Variants in DIP2C observed in about 807,000 individuals in gnomAD.
DIP2C encodes DIP2 acetate--CoA ligase C (putative).
DIP2C carries 33 observed loss-of-function variants against 192.4 expected under a neutral mutation model. That is an observed-to-expected ratio of 0.17 (90% CI 0.13 to 0.23). The LOEUF (loss-of-function observed/expected upper bound fraction) is 0.23, where lower values mean the gene tolerates loss of function less well. Ranked by LOEUF, DIP2C falls within the 10% of genes least tolerant of loss-of-function variation. DIP2C has a pLI of 1.00. For synonymous variants in DIP2C, 979 were observed against 864.1 expected, an observed-to-expected ratio of 1.13 and a Z score of -2.33; for missense variants, 1,537 against 2,110.1, an observed-to-expected ratio of 0.73 and a Z score of 5.32.
chr10:385,838 G>C (rs1589672759), intron 14 of DIP2C, among the ~76,000 whole-genome samples: 1 of 152,132 alleles, frequency 6.6e-6, no homozygotes, highest in African/African-American at 2.4e-5. Context: ...CCACTGGCTC[G>C]ATTTGGGAAG....
rs111265962 is a variant in DIP2C at position 634,861 on chromosome 10, G to A, written c.85+54633C>T. Among the ~76,000 whole-genome samples, 641 of 152,188 alleles carry A rather than the reference G, an allele frequency of 4.2e-3. 5 individuals carry two copies. Among genetic ancestry groups the A allele is most frequent in the African/African-American group, 0.014 (599 of 41,526 alleles). On this transcript the variant is annotated intron_variant, in intron 1 of 36. Transcript: ENST00000280886. ...GTAGCGTAAAATTATCACACACAAC[G>A]TAAAGCCAATTAGATCAACATTCTG...
At chr10:627,247 C>T (rs910588926) in intron 1 of DIP2C, among the ~76,000 whole-genome samples, 28 of 152,222 alleles carry the variant, frequency 1.8e-4, no homozygotes, top group Non-Finnish European at 3.5e-4. Context: ...CGTCATGCCC[C>T]GGGCAAGAAG....
chr10:555,201 TTC>T (rs201160138), intron 1 of DIP2C, among the ~76,000 whole-genome samples: 37,256 of 147,298 alleles, frequency 0.25, 6,422 homozygotes, highest in African/African-American at 0.54. Flanking sequence ...TTTTTTTTTT[TTC>T]CCAAGCCATT....
intron 1 of DIP2C, among the ~76,000 whole-genome samples, chr10:584,980 C>T (rs563346558): frequency 1.4e-3 from 210 of 147,028 alleles, no homozygotes; most frequent in Middle Eastern, 7.2e-3. Context: ...CCCACTCACG[C>T]GCATCACCTC....
At chr10:593,141 C>T (rs557440047) in intron 1 of DIP2C, among the ~76,000 whole-genome samples, 1 of 152,114 alleles carries the variant, frequency 6.6e-6, no homozygotes, top group African/African-American at 2.4e-5. Context: ...CCTTTGAGGG[C>T]ACTGGTCTCC....
At chr10:348,603 C>G in intron 26 of DIP2C, 38 bp downstream of exon 26, 1 of 1,603,486 alleles carries the variant, frequency 6.2e-7, no homozygotes, top group Non-Finnish European at 8.5e-7. Flanking sequence ...CACTCAGCTC[C>G]AGGCAGGTGG....
At chr10:566,768 G>C (rs537412005) in intron 1 of DIP2C, among the ~76,000 whole-genome samples, 1 of 152,356 alleles carries the variant, frequency 6.6e-6, no homozygotes, top group Non-Finnish European at 1.5e-5. Flanking sequence ...CTCAAAGTCA[G>C]GCCCATCGGA....
chr10:600,620 GCTC>G (rs1326651321), intron 1 of DIP2C, among the ~76,000 whole-genome samples: 4 of 151,484 alleles, frequency 2.6e-5, no homozygotes, highest in South Asian at 2.1e-4. Flanking sequence ...GTTTCCGGAT[GCTC>G]CTCAATGACC....
intron 1 of DIP2C, among the ~76,000 whole-genome samples, chr10:633,819 G>T (rs1310819593): frequency 6.6e-6 from 1 of 152,232 alleles, no homozygotes; most frequent in African/African-American, 2.4e-5. Flanking sequence ...GGTACGCGGT[G>T]GGGTGACCCT....
intron 31 of DIP2C, chr10:324,909 G>C (rs754454072): frequency 1.9e-6 from 1 of 531,642 alleles, no homozygotes; most frequent in Non-Finnish European, 3.9e-6. Context: ...TCCATGTTTT[G>C]GTTCTTTTTT....
In DIP2C at chr10:602,100, C is replaced by T. The variant is rs142970083; in HGVS notation, c.85+87394G>A. The stretch of plus-strand genomic sequence containing the variant: ...AGGTCGGGGTGGGGGCGGGGAATGT[C>T]TTAACCATCACTGTTTACAGGATTT... On this transcript the variant is annotated intron_variant, in intron 1 of 36. Coordinates refer to ENST00000280886, the MANE Select transcript of DIP2C (RefSeq NM_014974.3). Among the ~76,000 whole-genome samples the T allele has an allele frequency of 2.3e-3, 351 of 152,196 alleles. 5 individuals carry two copies. The highest frequency in any genetic ancestry group is 7.9e-3 in the African/African-American group (327 of 41,524).
At chr10:501,946 A>G (rs1845259562) in intron 1 of DIP2C, among the ~76,000 whole-genome samples, 1 of 152,016 alleles carries the variant, frequency 6.6e-6, no homozygotes, top group East Asian at 1.9e-4. Flanking sequence ...GGAGTCTAAG[A>G]CCAGCCTGGG....
chr10:370,322 CCT>C (rs959643200), intron 17 of DIP2C, among the ~76,000 whole-genome samples: 7 of 152,234 alleles, frequency 4.6e-5, no homozygotes, highest in African/African-American at 1.4e-4. Flanking sequence ...CACCCCACCT[CCT>C]CTGCCGGACA....
chr10:317,155 T>C (rs780756694), intron 31 of DIP2C, among the ~76,000 whole-genome samples: 5 of 152,236 alleles, frequency 3.3e-5, no homozygotes, highest in Non-Finnish European at 5.9e-5. Context: ...CTGTATGTTG[T>C]CATCAGGCAT....
chr10:449,722 G>A (rs1291718817), intron 3 of DIP2C, among the ~76,000 whole-genome samples: 2 of 146,978 alleles, frequency 1.4e-5, no homozygotes, highest in East Asian at 2.0e-4. Context: ...CATGGCACAT[G>A]TATACATATG....
chr10:616,673 A>G (rs749422612), intron 1 of DIP2C, among the ~76,000 whole-genome samples: 5 of 152,234 alleles, frequency 3.3e-5, no homozygotes, highest in African/African-American at 1.2e-4. Context: ...GAAGGACCAC[A>G]GTGGACATTC....
chr10:328,255 G>A (rs1044243562), intron 30 of DIP2C, among the ~76,000 whole-genome samples: 3 of 152,180 alleles, frequency 2.0e-5, no homozygotes, highest in South Asian at 4.1e-4. Flanking sequence ...ATATTCACAC[G>A]CGCGCACGTC....
chr10:330,102 A>C (rs964199747), intron 29 of DIP2C, among the ~76,000 whole-genome samples: 3 of 152,234 alleles, frequency 2.0e-5, no homozygotes, highest in Admixed American at 6.5e-5. Flanking sequence ...GAGACCACAG[A>C]ACCTAAAATA....
chr10:530,276 T>C (rs997455865), intron 1 of DIP2C, among the ~76,000 whole-genome samples: 4 of 152,252 alleles, frequency 2.6e-5, no homozygotes, highest in Admixed American at 6.5e-5. Context: ...TTATTTGCTA[T>C]GGGCTTGATT....
Sources: gnomAD v4.1 joint callset for allele counts (sites outside exome capture counted in the v4.1 genomes callset) on GRCh38, gnomAD v4.1.1 for gene constraint, MANE v1.5 for transcripts, NCBI Gene and HGNC (gene_info 2026-07-23, HGNC 2026-07-21) for gene names.